Variants in VAV3 observed in about 807,000 individuals in gnomAD.
The protein encoded by VAV3 is vav guanine nucleotide exchange factor 3.
A neutral mutation model predicts 131.2 loss-of-function variants in VAV3; 94 were observed. The observed-to-expected ratio is 0.72, with a 90% CI of 0.61 to 0.85. The LOEUF (loss-of-function observed/expected upper bound fraction) is 0.85. Ranked by LOEUF, VAV3 falls within the 40% of genes least tolerant of loss-of-function variation. The pLI is 0.00. For missense variants in VAV3, 939 were observed against 1,002.7 expected (o/e 0.94, Z 0.86); for synonymous variants, 349 against 342.0 (o/e 1.02, Z -0.22).
intron 1 of VAV3, among the ~76,000 whole-genome samples, chr1:107,954,772 G>GGGGGC (rs766278495): frequency 3.3e-5 from 5 of 149,984 alleles, no homozygotes; most frequent in Admixed American, 3.3e-4. Flanking sequence ...CATGGGAGGG[G>GGGGGC]GGGAAATTCA....
intron 25 of VAV3, among the ~76,000 whole-genome samples, chr1:107,578,349 C>G (rs1649796461): frequency 6.6e-6 from 1 of 152,158 alleles, no homozygotes; most frequent in South Asian, 2.1e-4. Context: ...GCCATTACAA[C>G]TAATTTTTAT....
intron 2 of VAV3, among the ~76,000 whole-genome samples, chr1:107,855,932 C>G (rs1669446707): frequency 6.6e-6 from 1 of 152,148 alleles, no homozygotes; most frequent in African/African-American, 2.4e-5. Context: ...ACCCAGAAAA[C>G]AGTGCAGTGC....
intron 20 of VAV3, among the ~76,000 whole-genome samples, chr1:107,632,510 TA>T (rs1029314621): frequency 9.2e-5 from 14 of 152,354 alleles, no homozygotes; most frequent in African/African-American, 3.4e-4. Context: ...TTCATTTCAA[TA>T]AAACTAGCAT....
At chr1:107,817,580 A>C (rs954969270) in intron 2 of VAV3, among the ~76,000 whole-genome samples, 1 of 152,196 alleles carries the variant, frequency 6.6e-6, no homozygotes, top group African/African-American at 2.4e-5. Context: ...AAATTACTCA[A>C]ATGGAAGGGA....
intron 15 of VAV3, among the ~76,000 whole-genome samples, chr1:107,741,389 G>A (rs892975641): frequency 5.9e-5 from 9 of 152,274 alleles, no homozygotes; most frequent in South Asian, 4.1e-4. Flanking sequence ...CTGACTAGCC[G>A]CTCCCTGAAG....
intron 19 of VAV3, among the ~76,000 whole-genome samples, chr1:107,647,944 G>C (rs988157927): frequency 6.6e-6 from 1 of 151,986 alleles, no homozygotes; most frequent in African/African-American, 2.4e-5. Context: ...ACAGCTTATA[G>C]GGCTCTTTCT....
chr1:107,717,627 T>C (rs1363757729), intron 15 of VAV3, among the ~76,000 whole-genome samples: 1 of 152,212 alleles, frequency 6.6e-6, no homozygotes, highest in Non-Finnish European at 1.5e-5. Flanking sequence ...TTCTGTTCTT[T>C]TACATTTGCT....
intron 19 of VAV3, among the ~76,000 whole-genome samples, chr1:107,659,611 A>C (rs118081304): frequency 2.0e-5 from 3 of 152,162 alleles, no homozygotes; most frequent in Non-Finnish European, 4.4e-5. Context: ...TTGTATTTTT[A>C]CATAACCTTC....
chr1:107,704,416 G>A, intron 17 of VAV3, 134 bp downstream of exon 17: 2 of 623,148 alleles, frequency 3.2e-6, no homozygotes, highest in Non-Finnish European at 5.4e-6. Context: ...TTTTCTAATT[G>A]TGCTTATAAA....
At chr1:107,944,251 A>G (rs1252391048) in intron 1 of VAV3, among the ~76,000 whole-genome samples, 1 of 152,208 alleles carries the variant, frequency 6.6e-6, no homozygotes, top group Non-Finnish European at 1.5e-5. Flanking sequence ...CCCATGTGGT[A>G]AGCCTCTCCC....
intron 1 of VAV3, 112 bp downstream of exon 1, chr1:107,964,554 G>A: frequency 1.6e-6 from 2 of 1,231,042 alleles, no homozygotes; most frequent in Non-Finnish European, 2.2e-6. Context: ...AGAAGGCTGG[G>A]AAGCAGGGCA....
chr1:107,777,968 C>T lies in VAV3; in HGVS notation c.381-672G>A, dbSNP rs1665459738. 2.0e-5 allele frequency among the ~76,000 whole-genome samples: 3 copies of T among 152,228 alleles called. No individual in the cohort carries two copies. In the South Asian group the frequency reaches 6.2e-4, roughly 32 times the overall value. ...TCACCTTTAATGTATCTCCTATTCC[C>T]ACTGTGTGGCTTCCTTGTTTGCATC... On this transcript the variant is annotated intron_variant, in intron 3 of 26. Coordinates refer to ENST00000370056, the MANE Select transcript of VAV3 (RefSeq NM_006113.5).
intron 1 of VAV3, among the ~76,000 whole-genome samples, chr1:107,955,329 AT>A (rs1292800112): frequency 6.0e-5 from 9 of 149,832 alleles, no homozygotes; most frequent in Admixed American, 4.0e-4. Flanking sequence ...TTTTTTTTTA[AT>A]TTGTAGATGT....
At chr1:107,903,488 T>C (rs140812854) in intron 1 of VAV3, among the ~76,000 whole-genome samples, 2 of 152,248 alleles carry the variant, frequency 1.3e-5, no homozygotes, top group East Asian at 3.9e-4. Flanking sequence ...CCTCCAACTC[T>C]ATCATTCATA....
At chr1:107,905,685 A>G (rs1310266734) in intron 1 of VAV3, among the ~76,000 whole-genome samples, 1 of 152,202 alleles carries the variant, frequency 6.6e-6, no homozygotes, top group East Asian at 1.9e-4. Context: ...ATTCAATTTT[A>G]TTGATTTTAG....
At chr1:107,804,662 A>T (rs1666977736) in intron 2 of VAV3, among the ~76,000 whole-genome samples, 1 of 152,206 alleles carries the variant, frequency 6.6e-6, no homozygotes, top group African/African-American at 2.4e-5. Flanking sequence ...TACTAAAGTT[A>T]TGAGTGTATT....
intron 2 of VAV3, among the ~76,000 whole-genome samples, chr1:107,786,863 T>C (rs1256714289): frequency 6.6e-6 from 1 of 152,142 alleles, no homozygotes; most frequent in African/African-American, 2.4e-5. Flanking sequence ...CACAACTCTA[T>C]CTTACAAATT....
intron 18 of VAV3, among the ~76,000 whole-genome samples, chr1:107,683,929 T>C (rs1433715441): frequency 2.0e-5 from 3 of 152,168 alleles, no homozygotes; most frequent in African/African-American, 7.2e-5. Flanking sequence ...CATAAAACTC[T>C]AACTCAGCTA....
At chr1:107,673,995 A>G (rs1469901898) in intron 19 of VAV3, among the ~76,000 whole-genome samples, 1 of 152,222 alleles carries the variant, frequency 6.6e-6, no homozygotes, top group African/African-American at 2.4e-5. Context: ...ATGCTGCCTC[A>G]TTTTTAAATA....
Sources: allele counts gnomAD v4.1 joint callset (sites outside exome capture counted in the v4.1 genomes callset), GRCh38; gene constraint gnomAD v4.1.1; transcripts MANE v1.5; gene names NCBI Gene and HGNC (gene_info 2026-07-23, HGNC 2026-07-21).